Variants in RP1 observed in about 807,000 individuals in gnomAD.
RP1 encodes oxygen-regulated protein 1.
RP1 carries 16 observed loss-of-function variants against 14.8 expected under a neutral mutation model. The ratio of observed to expected loss-of-function variants is 1.08; its 90% CI spans 0.73 to 1.65. The LOEUF (loss-of-function observed/expected upper bound fraction) is 1.65, where lower values mean the gene tolerates loss of function less well. RP1 is among the 40% of genes most tolerant of loss of function. The pLI, the probability that RP1 is intolerant of heterozygous loss-of-function variation, is 0.00. For missense variants in RP1, 2,631 were observed against 2,535.0 expected (o/e 1.04, Z -0.81); for synonymous variants, 876 against 883.6 (o/e 0.99, Z 0.15).
chr8:54,778,479 C>T (rs1184173125), intron 23 of RP1, among the ~76,000 whole-genome samples: 1 of 151,906 alleles, frequency 6.6e-6, no homozygotes, highest in African/African-American at 2.4e-5. Context: ...CATGCACCAC[C>T]ATGCCCGGCT....
chr8:54,751,189 C>G (rs1809361046), intron 19 of RP1, among the ~76,000 whole-genome samples: 1 of 152,240 alleles, frequency 6.6e-6, no homozygotes, highest in African/African-American at 2.4e-5. Flanking sequence ...TGGAAAATAA[C>G]TTCCTATGGC....
intron 25 of RP1, among the ~76,000 whole-genome samples, chr8:54,839,504 C>G (rs1811742779): frequency 6.6e-6 from 1 of 152,208 alleles, no homozygotes; most frequent in African/African-American, 2.4e-5. Flanking sequence ...TAGTTACCAT[C>G]TTCAGTCTAA....
At chr8:54,849,733 T>G (rs143802614) in intron 25 of RP1, among the ~76,000 whole-genome samples, 31 of 152,326 alleles carry the variant, frequency 2.0e-4, no homozygotes, top group African/African-American at 7.0e-4. Flanking sequence ...TTATGTAGTC[T>G]GCACATTTAT....
At chr8:54,686,736 G>A (rs146663985) in intron 12 of RP1, among the ~76,000 whole-genome samples, 216 of 152,122 alleles carry the variant, frequency 1.4e-3, no homozygotes, top group African/African-American at 5.1e-3. Flanking sequence ...AACCCTTGAT[G>A]GCTACTTTTA....
intron 8 of RP1, among the ~76,000 whole-genome samples, chr8:54,674,544 G>T (rs1445710302): frequency 7.1e-6 from 1 of 141,414 alleles, no homozygotes; most frequent in African/African-American, 2.5e-5. Context: ...AAACCCAAAT[G>T]CATCAAACAA....
At chr8:54,794,447 G>GTTTGTCAATATTTGACAATA (rs1362239169) in intron 24 of RP1, among the ~76,000 whole-genome samples, 1 of 151,602 alleles carries the variant, frequency 6.6e-6, no homozygotes, top group African/African-American at 2.4e-5. Context: ...ATTTGACAAT[G>GTTTGTCAATATTTGACAATA]TTTGTCAATA....
intron 15 of RP1, among the ~76,000 whole-genome samples, chr8:54,707,556 G>A (rs1808180448): frequency 6.6e-6 from 1 of 152,204 alleles, no homozygotes; most frequent in South Asian, 2.1e-4. Flanking sequence ...CCCTGTTAAT[G>A]CTCTCCATCT....
At position 54,628,648 on chromosome 8, in the gene RP1, C is replaced by T. The variant is rs199756880; in HGVS notation, c.4766C>T (p.Ser1589Phe). Residue 1589 changes from serine to phenylalanine, a missense_variant, in exon 4 of 4, where the codon TCT becomes TTT. Physicochemically the swap from Ser to Phe is radical, Grantham distance 155. Transcript: ENST00000220676. ...LKKCIKSPVT[S>F]DWSDYRPDSD... ...AAATGCATCAAAAGTCCAGTGACTT[C>T]TGATTGGTCAGACTATCGGCCTGAC... 3.7e-5 allele frequency: 59 copies of T among 1,614,054 alleles called. No individual in the cohort carries two copies. The East Asian group carries it at 1.1e-3, about 30-fold the overall frequency.
chr8:54,561,541 C>T (rs1175238380), intron 1 of RP1, among the ~76,000 whole-genome samples: 4 of 152,076 alleles, frequency 2.6e-5, no homozygotes, highest in Non-Finnish European at 5.9e-5. Flanking sequence ...TCCTTCAGTA[C>T]AAGGAAATAC....
At chr8:54,829,042 A>G (rs1811458458) in intron 24 of RP1, among the ~76,000 whole-genome samples, 2 of 151,498 alleles carry the variant, frequency 1.3e-5, no homozygotes, top group African/African-American at 2.4e-5. Context: ...ACAGGTGCCT[A>G]CCACCATGCC....
chr8:54,728,267 T>C (rs1486791638), intron 17 of RP1, among the ~76,000 whole-genome samples: 1 of 152,184 alleles, frequency 6.6e-6, no homozygotes, highest in Admixed American at 6.5e-5. Flanking sequence ...TAGTTGTCTT[T>C]TTTCTACCTC....
intron 26 of RP1, among the ~76,000 whole-genome samples, chr8:54,853,358 G>A (rs1421050340): frequency 6.6e-6 from 1 of 152,176 alleles, no homozygotes; most frequent in Non-Finnish European, 1.5e-5. Context: ...CAGAGAGAGA[G>A]AGAGACGTAA....
At chr8:54,559,466 T>G (rs1162758508) in intron 1 of RP1, 2 of 152,108 alleles carry the variant, frequency 1.3e-5, no homozygotes, top group Admixed American at 6.5e-5. Flanking sequence ...GTATGGAAAA[T>G]ATGCCAAAGA....
chr8:54,652,817 G>C (rs530568194), exon 5 of RP1: 1 of 1,535,626 alleles, frequency 6.5e-7, no homozygotes, highest in African/African-American at 1.4e-5. Context: ...TTTAAGATTC[G>C]TATTGGTCAT....
At chr8:54,659,351 A>G (rs1339978726) in intron 6 of RP1, among the ~76,000 whole-genome samples, 1 of 152,120 alleles carries the variant, frequency 6.6e-6, no homozygotes, top group Non-Finnish European at 1.5e-5. Context: ...AGTTTTATGT[A>G]TTTAGATTTT....
intron 2 of RP1, 122 bp from the exon 3 acceptor site, chr8:54,621,995 A>T (rs1051677209): frequency 1.8e-5 from 18 of 993,640 alleles, no homozygotes; most frequent in Non-Finnish European, 2.8e-5. Context: ...TGCCTAAGAA[A>T]ATGCTCAGTG....
At chr8:54,799,676 C>T (rs1268994197) in intron 24 of RP1, among the ~76,000 whole-genome samples, 1 of 151,260 alleles carries the variant, frequency 6.6e-6, no homozygotes, top group Non-Finnish European at 1.5e-5. Context: ...TACTGGTTTC[C>T]CCATGGTTTA....
At chr8:54,810,469 C>T (rs1048943357) in intron 24 of RP1, among the ~76,000 whole-genome samples, 2 of 152,014 alleles carry the variant, frequency 1.3e-5, no homozygotes, top group South Asian at 2.1e-4. Flanking sequence ...GTGCTGTTCC[C>T]GGAGACCATT....
At chr8:54,642,563 T>G (rs1346393856) in intron 3 of RP1, among the ~76,000 whole-genome samples, 1 of 152,158 alleles carries the variant, frequency 6.6e-6, no homozygotes, top group African/African-American at 2.4e-5. Context: ...TTTGCTTTAT[T>G]CTTTTAAAAT....
Sources: allele counts gnomAD v4.1 joint callset (sites outside exome capture counted in the v4.1 genomes callset), GRCh38; gene constraint gnomAD v4.1.1; transcripts MANE v1.5; gene names NCBI Gene and HGNC (gene_info 2026-07-23, HGNC 2026-07-21).